Variants in PXMP2 observed in about 807,000 individuals in gnomAD.
The protein encoded by PXMP2 is peroxisomal membrane protein 2, also known as 22 kDa peroxisomal membrane protein.
Under a neutral mutation model 20.2 loss-of-function variants are expected in PXMP2, and 13 were observed. That is an observed-to-expected ratio of 0.64 (90% CI 0.42 to 1.02). PXMP2 has a LOEUF of 1.02. PXMP2 is among the 50% of genes least tolerant of loss of function. The pLI, the probability that PXMP2 is intolerant of heterozygous loss-of-function variation, is 0.00. For missense variants in PXMP2, 284 were observed against 251.8 expected (o/e 1.13, Z -0.87); for synonymous variants, 113 against 111.2 (o/e 1.02, Z -0.10).
In PXMP2 at chr12:132,687,806, CG is replaced by C; in HGVS notation, c.122+17del. On this transcript the variant is annotated intron_variant, in intron 1 of 4. Transcript: ENST00000317479. ...GGCGGCCACCAGGTGAGCGGGGGCG[CG>C]GGAATCGGACGCCGCCCCGGCCCCA... The C allele has an allele frequency of 8.7e-7, 1 of 1,145,318 alleles. No individual in the cohort carries two copies. Among genetic ancestry groups the C allele is most frequent in the Non-Finnish European group, 1.1e-6 (1 of 932,910 alleles). 70.9% of individuals were successfully genotyped at this position (1,145,318 alleles called of 1,614,324 possible).
At position 132,690,391 on chromosome 12, in the gene PXMP2, A is replaced by AG. The variant is rs756081952; in HGVS notation, c.236+19dup. ...GCCGTTTACGGGTGAGTGCCATACA[A>AG]GGGGTGGGTTTACCTTGTAGCCGCT... On this transcript the variant is annotated intron_variant, in intron 2 of 4. Transcript: ENST00000317479. The AG allele has an allele frequency of 6.2e-7, 1 of 1,601,696 alleles. No individual in the cohort carries two copies. The highest frequency in any genetic ancestry group is 8.6e-7 in the Non-Finnish European group (1 of 1,169,324).
chr12:132,695,812 G>C, intron 2 of PXMP2, 72 bp from the exon 3 acceptor site: 1 of 1,474,764 alleles, frequency 6.8e-7, no homozygotes, highest in Non-Finnish European at 9.2e-7. Flanking sequence ...CTGGGATTTG[G>C]GGGTGAAGCT....
intron 4 of PXMP2, among the ~76,000 whole-genome samples, chr12:132,702,043 T>C (rs2136068687): frequency 6.6e-6 from 1 of 152,320 alleles, no homozygotes; most frequent in South Asian, 2.1e-4. Context: ...TGAGCTGAGA[T>C]TGTGCCACTG....
chr12:132,693,881 C>T (rs1593105872), intron 2 of PXMP2, among the ~76,000 whole-genome samples: 1 of 86,248 alleles, frequency 1.2e-5, no homozygotes, highest in Non-Finnish European at 2.5e-5. Context: ...CTCCCTTAGC[C>T]AGTTAGATAG....
At chr12:132,690,958 C>T (rs959471076) in intron 2 of PXMP2, among the ~76,000 whole-genome samples, 3 of 152,046 alleles carry the variant, frequency 2.0e-5, no homozygotes, top group Non-Finnish European at 2.9e-5. Context: ...AGTCAGACTT[C>T]AGGATTCAAA....
rs149639106 is a variant in PXMP2, at chr12:132,696,858, C to A, written c.399+812C>A. On this transcript the variant is annotated intron_variant, in intron 3 of 4. Coordinates refer to ENST00000317479, the MANE Select transcript of PXMP2 (RefSeq NM_018663.3). This position sits in a 1 kb window ranked among gnomAD's most constrained non-coding sequence, Gnocchi z 4.4. ...GGTATGGTGGTGCGTGCTTGTAATC[C>A]CAGCTACTCGGGAGGCTGAGGCAGG... Among the ~76,000 whole-genome samples the A allele has an allele frequency of 4.6e-5, 7 of 152,076 alleles. No individual in the cohort carries two copies. In the East Asian group the frequency reaches 1.4e-3, roughly 30 times the overall value.
At chr12:132,694,588 T>C (rs2043397729) in intron 2 of PXMP2, among the ~76,000 whole-genome samples, 1 of 108,794 alleles carries the variant, frequency 9.2e-6, no homozygotes, top group Non-Finnish European at 1.9e-5. Flanking sequence ...AGTTAGTTAG[T>C]GAGCTCCCTT....
Position 132,701,895 on chromosome 12 carries a change from G to C in PXMP2, c.519+526G>C, listed in dbSNP as rs149065067. 7.2e-5 allele frequency among the ~76,000 whole-genome samples: 11 copies of C among 152,270 alleles called. No individual in the cohort carries two copies. In the East Asian group the frequency reaches 2.1e-3, roughly 29 times the overall value. ...ACTTGAAGCCAGGAGTTCGAGACCA[G>C]CCTGGCCAACATAGCGAAACCCCAT... On this transcript the variant is annotated intron_variant, in intron 4 of 4. Coordinates refer to ENST00000317479, the MANE Select transcript of PXMP2 (RefSeq NM_018663.3).
rs1188573908 is a variant in PXMP2 at position 132,690,356 on chromosome 12, T to A, written c.216T>A (p.Pro72=). The change falls in exon 2 of 5, where the codon CCT becomes CCA. Residue 72 remains proline, a synonymous_variant. Transcript: ENST00000317479. ...ENSRSLDVGG[P]LRYAVYGFFF... ...CTAGAAGTCTGGATGTCGGTGGGCC[T>A]CTGAGATATGCCGTTTACGGGTGAG... The A allele has an allele frequency of 1.9e-6, 3 of 1,613,212 alleles. No homozygotes were observed. In the South Asian group the frequency reaches 3.3e-5, roughly 18 times the overall value.
intron 1 of PXMP2, among the ~76,000 whole-genome samples, chr12:132,688,956 G>C (rs1484472959): frequency 2.3e-5 from 1 of 42,728 alleles, no homozygotes; most frequent in Admixed American, 2.0e-4. Flanking sequence ...GTGGAGACAG[G>C]GCCAAGGGAG....
chr12:132,691,941 G>A (rs193007168), intron 2 of PXMP2, among the ~76,000 whole-genome samples: 15 of 152,376 alleles, frequency 9.8e-5, no homozygotes, highest in Admixed American at 6.5e-5. Context: ...ACAACCTAGA[G>A]TGCTGCACCA....
At chr12:132,693,653 G>T (rs1297269878) in intron 2 of PXMP2, among the ~76,000 whole-genome samples, 9 of 105,406 alleles carry the variant, frequency 8.5e-5, no homozygotes, top group Non-Finnish European at 9.8e-5. Context: ...GTTAGTGAGC[G>T]CCCTTGCCAG....
In PXMP2 at chr12:132,696,103, C is replaced by T. The variant is rs2043408952; in HGVS notation, c.399+57C>T. ...CTTCGTTTAGCACAGGGATTCTTCA[C>T]CTGACATTCTCGGCAGAATTCAGAG... On this transcript the variant is annotated intron_variant, in intron 3 of 4. Transcript: ENST00000317479. The surrounding 1 kb of genome is among the most constrained non-coding windows in gnomAD (Gnocchi z 4.4). The T allele has an allele frequency of 4.7e-6, 7 of 1,485,728 alleles. No homozygotes were observed. Among genetic ancestry groups the T allele is most frequent in the Non-Finnish European group, 6.3e-6 (7 of 1,105,576 alleles). The allele number at this position is 1,485,728 out of a possible 1,614,324, so 92.0% of individuals were successfully genotyped here.
intron 4 of PXMP2, among the ~76,000 whole-genome samples, chr12:132,703,516 A>G (rs1432743491): frequency 2.0e-5 from 3 of 152,184 alleles, no homozygotes; most frequent in Non-Finnish European, 4.4e-5. Flanking sequence ...GCCCTCTGTG[A>G]TGAGAGAGGA....
At chr12:132,704,154 G>T (rs961127313) in intron 4 of PXMP2, among the ~76,000 whole-genome samples, 1 of 152,210 alleles carries the variant, frequency 6.6e-6, no homozygotes, top group African/African-American at 2.4e-5. Context: ...CTGGGCCAGA[G>T]GATTCTGGGG....
intron 4 of PXMP2, among the ~76,000 whole-genome samples, chr12:132,701,923 C>A (rs556692182): frequency 6.6e-6 from 1 of 152,236 alleles, no homozygotes; most frequent in South Asian, 2.1e-4. Flanking sequence ...AACCCCATCT[C>A]TACTAAAAAT....
rs143776192 is a variant in PXMP2, at chr12:132,695,988, G to A, written c.341G>A (p.Arg114His). ...LAGLRRLLLD[R>H]LVFAPAFLML... ...GGGCTCAGGAGGCTTCTCCTGGACC[G>A]CCTCGTCTTTGCACCGGCCTTCCTC... Residue 114 changes from arginine to histidine, a missense_variant, in exon 3 of 5, where the codon CGC (arginine) becomes CAC (histidine). Arg to His is a conservative substitution (Grantham distance 29). Coordinates refer to ENST00000317479, the MANE Select transcript of PXMP2 (RefSeq NM_018663.3). The A allele has an allele frequency of 1.2e-4, 188 of 1,611,992 alleles. No individual in the cohort carries two copies. The highest frequency in any genetic ancestry group is 1.4e-4 in the Non-Finnish European group (166 of 1,179,152).
intron 3 of PXMP2, among the ~76,000 whole-genome samples, chr12:132,700,110 C>T (rs1243024691): frequency 3.3e-5 from 5 of 150,420 alleles, no homozygotes; most frequent in South Asian, 2.1e-4. Context: ...GGCACGATCT[C>T]GGCTCACCGC....
chr12:132,698,715 CTCTCGGGT>C (rs577231270), intron 3 of PXMP2, among the ~76,000 whole-genome samples: 35 of 152,170 alleles, frequency 2.3e-4, no homozygotes, highest in Non-Finnish European at 4.8e-4. Flanking sequence ...CAACCTCCGC[CTCTCGGGT>C]TCAAGTGATT....
Sources: allele counts gnomAD v4.1 joint callset (sites outside exome capture counted in the v4.1 genomes callset), GRCh38; gene constraint gnomAD v4.1.1; non-coding constraint Gnocchi (gnomAD v3.1); transcripts MANE v1.5; gene names NCBI Gene and HGNC (gene_info 2026-07-23, HGNC 2026-07-21).